Variants in LAMA2 observed in about 807,000 individuals in gnomAD.
The protein encoded by LAMA2 is laminin subunit alpha-2.
Under a neutral mutation model 364.8 loss-of-function variants are expected in LAMA2, and 269 were observed. The observed-to-expected ratio is 0.74, with a 90% CI of 0.67 to 0.82. The LOEUF is 0.82. Ranked by LOEUF, LAMA2 falls within the 40% of genes least tolerant of loss-of-function variation. LAMA2 has a pLI of 0.00. For synonymous variants in LAMA2, 1,379 were observed against 1,370.6 expected, an observed-to-expected ratio of 1.01 and a Z score of -0.14; for missense variants, 3,807 against 3,873.2, an observed-to-expected ratio of 0.98 and a Z score of 0.45.
intron 1 of LAMA2, among the ~76,000 whole-genome samples, chr6:128,966,090 A>G (rs528220990): frequency 1.3e-5 from 2 of 150,952 alleles, no homozygotes; most frequent in East Asian, 3.9e-4. Context: ...TCAGGAACAG[A>G]AAATTGTTTT....
intron 1 of LAMA2, among the ~76,000 whole-genome samples, chr6:128,990,250 C>T (rs767322953): frequency 1.6e-4 from 25 of 152,026 alleles, no homozygotes; most frequent in Non-Finnish European, 2.8e-4. Context: ...ATATTACTCT[C>T]TTTTGTATTT....
At chr6:129,120,856 A>G (rs1776765637) in intron 4 of LAMA2, among the ~76,000 whole-genome samples, 2 of 152,194 alleles carry the variant, frequency 1.3e-5, no homozygotes, top group Non-Finnish European at 2.9e-5. Flanking sequence ...AGTGGGCATT[A>G]TAGAAGAATC....
At chr6:129,111,519 G>A (rs577926679) in intron 4 of LAMA2, among the ~76,000 whole-genome samples, 143 of 151,924 alleles carry the variant, frequency 9.4e-4, no homozygotes, top group African/African-American at 3.1e-3. Context: ...CTATTATGTT[G>A]AGCCATGGGA....
chr6:129,460,235 C>G lies in LAMA2; in HGVS notation c.6903C>G (p.Gly2301=). The G allele has an allele frequency of 1.2e-6, 2 of 1,611,584 alleles. No homozygotes were observed. Among genetic ancestry groups the G allele is most frequent in the Non-Finnish European group, 1.7e-6 (2 of 1,178,170 alleles). The change falls in exon 49 of 65, where the codon GGC becomes GGG. Residue 2301 remains glycine, a synonymous_variant. Coordinates refer to ENST00000421865, the MANE Select transcript of LAMA2 (RefSeq NM_000426.4). Reference sequence around the variant, plus strand: ...CTGTACGTGTGATTACATTCACTGGCTGCATGGGAGAAACATACTTTGACA... The same window carrying G: ...CTGTACGTGTGATTACATTCACTGGGTGCATGGGAGAAACATACTTTGACA... ...ADAVRVITFT[G]CMGETYFDNK...
chr6:128,942,109 C>T (rs1036690746), intron 1 of LAMA2, among the ~76,000 whole-genome samples: 1 of 152,186 alleles, frequency 6.6e-6, no homozygotes, highest in Non-Finnish European at 1.5e-5. Context: ...GTATGACCTT[C>T]TCTTGACTTC....
intron 1 of LAMA2, among the ~76,000 whole-genome samples, chr6:129,020,575 G>A (rs981582501): frequency 2.0e-5 from 3 of 152,138 alleles, no homozygotes; most frequent in Non-Finnish European, 4.4e-5. Context: ...AGCAAAGGTT[G>A]TCATATCATG....
chr6:129,159,493 C>T (rs1424457060), intron 8 of LAMA2, among the ~76,000 whole-genome samples: 2 of 152,212 alleles, frequency 1.3e-5, no homozygotes, highest in African/African-American at 4.8e-5. Context: ...CGGCTTTCCT[C>T]ATCGATTCGG....
At chr6:129,241,049 C>T (rs1785365516) in intron 12 of LAMA2, among the ~76,000 whole-genome samples, 1 of 152,112 alleles carries the variant, frequency 6.6e-6, no homozygotes. Flanking sequence ...TCTCCTTTAG[C>T]CTATTTTTAG....
At chr6:129,256,762 G>GAAAATA (rs1786703580) in intron 14 of LAMA2, among the ~76,000 whole-genome samples, 5 of 27,756 alleles carry the variant, frequency 1.8e-4, no homozygotes, top group African/African-American at 2.4e-4. Context: ...AAATTATATA[G>GAAAATA]CATATATATA....
At chr6:129,039,779 A>G (rs1006254355) in intron 1 of LAMA2, among the ~76,000 whole-genome samples, 3 of 152,142 alleles carry the variant, frequency 2.0e-5, no homozygotes, top group Non-Finnish European at 4.4e-5. Context: ...ACAGTTCACA[A>G]TATGGTTCAC....
At chr6:129,459,987 T>C (rs1346242950) in intron 48 of LAMA2, among the ~76,000 whole-genome samples, 1 of 152,010 alleles carries the variant, frequency 6.6e-6, no homozygotes, top group Non-Finnish European at 1.5e-5. Context: ...GTGGATTAAA[T>C]AGTTGAGCTT....
chr6:128,951,378 T>C (rs1780810900), intron 1 of LAMA2, among the ~76,000 whole-genome samples: 2 of 152,144 alleles, frequency 1.3e-5, no homozygotes, highest in African/African-American at 4.8e-5. Flanking sequence ...AAGGAAGATA[T>C]AAGGAGAGAT....
intron 3 of LAMA2, among the ~76,000 whole-genome samples, chr6:129,072,889 C>A (rs935677964): frequency 6.6e-5 from 10 of 152,154 alleles, no homozygotes; most frequent in African/African-American, 2.4e-4. Context: ...GTAATTGTTA[C>A]CATCATAAAC....
chr6:128,910,860 G>A (rs1474873902), intron 1 of LAMA2, among the ~76,000 whole-genome samples: 2 of 151,240 alleles, frequency 1.3e-5, no homozygotes, highest in Non-Finnish European at 2.9e-5. Context: ...CTAACAGACA[G>A]GACCCTCAAC....
chr6:129,272,538 C>T lies in LAMA2; in HGVS notation c.2450+1787C>T, dbSNP rs117269941. Among the ~76,000 whole-genome samples the T allele has an allele frequency of 8.5e-3, 1,287 of 152,154 alleles. 12 individuals are homozygous for T. The highest frequency in any genetic ancestry group is 0.014 in the Non-Finnish European group (937 of 67,968). On this transcript the variant is annotated intron_variant, in intron 17 of 64. Coordinates refer to ENST00000421865, the MANE Select transcript of LAMA2 (RefSeq NM_000426.4). The stretch of plus-strand genomic sequence containing the variant: ...AATCCATGTGCTTTCCAAATCTCTA[C>T]GGTCTACAATGAAGACTTCTTTAAA...
At chr6:128,992,551 A>C (rs1783671261) in intron 1 of LAMA2, among the ~76,000 whole-genome samples, 1 of 152,214 alleles carries the variant, frequency 6.6e-6, no homozygotes, top group Non-Finnish European at 1.5e-5. Flanking sequence ...TAACTGTTAC[A>C]TGTGATAAAA....
chr6:129,098,504 A>G (rs1775321441), intron 4 of LAMA2, 89 bp downstream of exon 4: 4 of 1,440,526 alleles, frequency 2.8e-6, no homozygotes, highest in East Asian at 4.5e-5. Flanking sequence ...AATTAATGTC[A>G]GGGAGATTTT....
intron 1 of LAMA2, among the ~76,000 whole-genome samples, chr6:128,937,164 A>G (rs1158739510): frequency 6.6e-6 from 1 of 152,238 alleles, no homozygotes; most frequent in Non-Finnish European, 1.5e-5. Flanking sequence ...ACTATATCAC[A>G]TTTATCGACT....
chr6:129,009,696 C>T (rs1784649415), intron 1 of LAMA2, among the ~76,000 whole-genome samples: 1 of 152,038 alleles, frequency 6.6e-6, no homozygotes, highest in African/African-American at 2.4e-5. Context: ...AAATTTAAAC[C>T]CTTGAATATG....
Sources: gnomAD v4.1 joint callset for allele counts (sites outside exome capture counted in the v4.1 genomes callset) on GRCh38, gnomAD v4.1.1 for gene constraint, MANE v1.5 for transcripts, NCBI Gene and HGNC (gene_info 2026-07-23, HGNC 2026-07-21) for gene names.